IFNA13: variants seen among roughly 807,000 people sequenced by gnomAD.
IFNA13 encodes interferon alpha 13.
For missense variants in IFNA13, 166 were observed against 220.7 expected, an observed-to-expected ratio of 0.75 and a Z score of 1.57; for synonymous variants, 61 against 86.3, an observed-to-expected ratio of 0.71 and a Z score of 1.62.
At chr9:21,367,375 G>A, downstream of IFNA13, 1 of 1,595,960 alleles carries the variant, frequency 6.3e-7, no homozygotes, top group Non-Finnish European at 8.5e-7. Context: ...TGAAATGGCA[G>A]AATTCATGAA....
chr9:21,367,643 C>G (rs779111854), exon 1 of IFNA13: 3 of 1,546,754 alleles, frequency 1.9e-6, no homozygotes, highest in Non-Finnish European at 2.6e-6. Context: ...CTGCATCACA[C>G]AGGCTTCCAA....
chr9:21,367,485 G>C, exon 1 of IFNA13: 1 of 1,611,666 alleles, frequency 6.2e-7, no homozygotes. Flanking sequence ...GATAAAGAGA[G>C]GGATCTCATG....
At chr9:21,367,585 C>G (rs1820646835) in exon 1 of IFNA13, 1 of 1,602,576 alleles carries the variant, frequency 6.2e-7, no homozygotes, top group Admixed American at 1.7e-5. Flanking sequence ...TCTTCACAGC[C>G]AAGATGGAGT....
chr9:21,367,962 A>G, exon 1 of IFNA13: 2 of 1,613,060 alleles, frequency 1.2e-6, no homozygotes, highest in African/African-American at 1.4e-5. Flanking sequence ...CTTGACTTGC[A>G]GCTGAGCACC....
exon 1 of IFNA13, chr9:21,367,770 G>C (rs752814114): frequency 1.9e-5 from 29 of 1,511,708 alleles, no homozygotes; most frequent in Non-Finnish European, 2.5e-5. Context: ...AGCTCATGGA[G>C]GACAGAGATG....
exon 1 of IFNA13, chr9:21,367,988 A>G: frequency 6.2e-7 from 1 of 1,613,076 alleles, no homozygotes; most frequent in East Asian, 2.2e-5. Flanking sequence ...GGCCATCAGT[A>G]AAGCAAAGGG....
At chr9:21,367,561 T>C (rs1820646430) in exon 1 of IFNA13, 2 of 1,607,266 alleles carry the variant, frequency 1.2e-6, no homozygotes, top group Non-Finnish European at 1.7e-6. Flanking sequence ...AGAGAGTGAT[T>C]CTTCGGAAGT....
exon 1 of IFNA13, chr9:21,368,016 T>C (rs761826047): frequency 3.7e-5 from 60 of 1,612,688 alleles, no homozygotes; most frequent in Admixed American, 6.7e-5. Context: ...ATCATAGATA[T>C]TGCAGATGCT....
exon 1 of IFNA13, chr9:21,367,544 G>T (rs1334393061): frequency 1.9e-6 from 3 of 1,609,520 alleles, no homozygotes; most frequent in Non-Finnish European, 8.5e-7. Context: ...TTTCTTCTCT[G>T]TCAGATAGAG....
downstream of IFNA13, chr9:21,367,412 A>C (rs1382943035): frequency 6.2e-7 from 1 of 1,613,080 alleles, no homozygotes; most frequent in African/African-American, 1.3e-5. Flanking sequence ...TGAGTCAATA[A>C]GAATTGTTTC....
downstream of IFNA13, chr9:21,367,396 G>C (rs1324345072): frequency 1.1e-5 from 18 of 1,611,396 alleles, no homozygotes; most frequent in Non-Finnish European, 1.4e-5. Flanking sequence ...AGCGTGACCT[G>C]GTATATGAGT....
At chr9:21,367,441 T>C (rs1440021892) in exon 1 of IFNA13, 2 of 1,614,028 alleles carry the variant, frequency 1.2e-6, no homozygotes, top group Middle Eastern at 1.7e-4. Flanking sequence ...CCAGGTGTTA[T>C]TCCTTCCTCC....
chr9:21,367,529 C>T lies in IFNA13; in HGVS notation c.482G>A (p.Ser161Asn), dbSNP rs1428193830. 1.1e-5 allele frequency: 18 copies of T among 1,605,820 alleles called. No individual in the cohort carries two copies. Among genetic ancestry groups the T allele is most frequent in the Non-Finnish European group, 1.4e-5 (16 of 1,178,254 alleles). ...TCTGACAACCTCCCAGGCACAAGGG[C>T]TGTATTTCTTCTCTGTCAGATAGAG... is the stretch of plus-strand genomic sequence containing the variant. Residue 161 changes from serine to asparagine, a missense_variant, in exon 1 of 1, where the codon AGC becomes AAC. Transcript: ENST00000610660.
At position 21,367,816 on chromosome 9, in the gene IFNA13, C is replaced by T. The variant is rs774072310; in HGVS notation, c.195G>A (p.Glu65=). 6.3e-6 allele frequency: 10 copies of T among 1,597,246 alleles called. No individual in the cohort carries two copies. In the Admixed American group the frequency reaches 1.7e-4, roughly 27 times the overall value. ...TCTGGAACTGGTTGCCATCAAACTC[C>T]TCCTGGGGAAATCCAAAGTCATGTC... is the stretch of plus-strand genomic sequence containing the variant. Residue 65 remains glutamate, a synonymous_variant, in exon 1 of 1, where the codon GAG becomes GAA. Transcript: ENST00000610660.
At chr9:21,367,856 G>A (rs2133053760) in exon 1 of IFNA13, 3 of 1,607,876 alleles carry the variant, frequency 1.9e-6, no homozygotes, top group Non-Finnish European at 2.5e-6. Flanking sequence ...CATCAGACAG[G>A]AGGAAGGAGA....
At chr9:21,367,437 G>A (rs567012200) in exon 1 of IFNA13, 4 of 1,614,006 alleles carry the variant, frequency 2.5e-6, no homozygotes, top group Middle Eastern at 1.7e-4. Flanking sequence ...TGGACCAGGT[G>A]TTATTCCTTC....
chr9:21,368,011 A>G (rs1563865838), exon 1 of IFNA13: 2 of 1,612,796 alleles, frequency 1.2e-6, no homozygotes, highest in Non-Finnish European at 1.7e-6. Flanking sequence ...AGGCCATCAT[A>G]GATATTGCAG....
exon 1 of IFNA13, chr9:21,368,041 G>A: frequency 1.2e-6 from 2 of 1,611,924 alleles, no homozygotes; most frequent in South Asian, 2.2e-5. Flanking sequence ...GGCTTGCTGA[G>A]ATGGGTGACT....
In IFNA13 at chr9:21,367,952, C is replaced by G. The variant is rs147116149; in HGVS notation, c.59G>C (p.Ser20Thr). Residue 20 changes from serine to threonine, a missense_variant, in exon 1 of 1, where the codon AGC becomes ACC. Ser to Thr is a moderately conservative substitution (Grantham distance 58). Transcript: ENST00000610660. ...AGGGAGATCACAGCCCAGAGAGCAGCTTGACTTGCAGCTGAGCACCACCAG... is the reference window on the plus strand; with the variant it reads ...AGGGAGATCACAGCCCAGAGAGCAGGTTGACTTGCAGCTGAGCACCACCAG... The G allele has an allele frequency of 6.8e-6, 11 of 1,612,750 alleles. No homozygotes were observed. Among genetic ancestry groups the G allele is most frequent in the Admixed American group, 6.7e-5 (4 of 59,900 alleles).
Sources: allele counts gnomAD v4.1 joint callset, GRCh38; gene constraint gnomAD v4.1.1; transcripts MANE v1.5; gene names NCBI Gene and HGNC (gene_info 2026-07-23, HGNC 2026-07-21).